KHDRBS2: variants seen among roughly 807,000 people sequenced by gnomAD.
KHDRBS2 encodes the protein KH RNA binding domain containing, signal transduction associated 2, also known as KH domain-containing, RNA-binding, signal transduction-associated protein 2.
In KHDRBS2, 26 loss-of-function variants were observed where a neutral mutation model predicts 44.3. The ratio of observed to expected loss-of-function variants is 0.59; its 90% CI spans 0.43 to 0.81. The LOEUF (loss-of-function observed/expected upper bound fraction) is 0.81. Ranked by LOEUF, KHDRBS2 falls within the 40% of genes least tolerant of loss-of-function variation. KHDRBS2 has a pLI of 0.00. For missense variants in KHDRBS2, 476 were observed against 433.1 expected (o/e 1.10, Z -0.88); for synonymous variants, 194 against 151.1 (o/e 1.28, Z -2.08).
intron 4 of KHDRBS2, among the ~76,000 whole-genome samples, chr6:61,977,660 T>TA (rs1372493046): frequency 2.0e-5 from 3 of 152,094 alleles, no homozygotes; most frequent in Non-Finnish European, 4.4e-5. Flanking sequence ...AATTATTACA[T>TA]ATCTGATCTC....
intron 7 of KHDRBS2, among the ~76,000 whole-genome samples, chr6:61,697,804 C>T (rs899412321): frequency 2.0e-5 from 3 of 152,104 alleles, no homozygotes; most frequent in African/African-American, 7.2e-5. Flanking sequence ...TCCTCCATTT[C>T]TTACTCAAAG....
At chr6:61,834,533 T>G (rs570171094) in intron 6 of KHDRBS2, among the ~76,000 whole-genome samples, 16 of 152,160 alleles carry the variant, frequency 1.1e-4, no homozygotes, top group South Asian at 4.1e-4. Flanking sequence ...TAATTCCTTT[T>G]GGTTTAAGGG....
chr6:61,635,877 T>G, the KHDRBS2 span, among the ~76,000 whole-genome samples: 21 of 152,160 alleles, frequency 1.4e-4, no homozygotes, highest in South Asian at 2.3e-3. Context: ...AGTTACAACT[T>G]TTCACTTTAT....
intron 8 of KHDRBS2, among the ~76,000 whole-genome samples, chr6:61,693,212 C>T (rs1767556963): frequency 6.6e-6 from 1 of 152,046 alleles, no homozygotes; most frequent in Non-Finnish European, 1.5e-5. Context: ...CAAATCACTG[C>T]TCATCATCTG....
At position 61,747,585 on chromosome 6, in the gene KHDRBS2, T is replaced by A. The variant is rs563655829; in HGVS notation, c.811-14821A>T. On this transcript the variant is annotated intron_variant, in intron 6 of 8. Transcript: ENST00000281156. ...TATGCATGACAAATGCATATCAAAA[T>A]GAAGTAATTAATTTTCTATAAGCCA... Among the ~76,000 whole-genome samples the A allele has an allele frequency of 5.9e-5, 9 of 151,610 alleles. No homozygotes were observed. The East Asian group carries it at 1.7e-3, about 29-fold the overall frequency.
intron 3 of KHDRBS2, among the ~76,000 whole-genome samples, chr6:62,021,066 C>T (rs185793972): frequency 4.4e-4 from 67 of 152,116 alleles, no homozygotes; most frequent in Non-Finnish European, 5.2e-4. Flanking sequence ...AGAATGAGAT[C>T]GTGTCCTTTT....
chr6:61,961,612 C>T (rs1472177317), intron 4 of KHDRBS2, among the ~76,000 whole-genome samples: 1 of 151,940 alleles, frequency 6.6e-6, no homozygotes, highest in East Asian at 1.9e-4. Context: ...GGCTGAAGTG[C>T]TGAAATGGAG....
At chr6:61,930,567 A>AAAAAAAAT (rs1809851862) in intron 4 of KHDRBS2, among the ~76,000 whole-genome samples, 1 of 130,274 alleles carries the variant, frequency 7.7e-6, no homozygotes, top group East Asian at 2.3e-4. Flanking sequence ...AAAAAAAAAA[A>AAAAAAAAT]GGCTAGTCTA....
intron 6 of KHDRBS2, among the ~76,000 whole-genome samples, chr6:61,798,487 A>G (rs1297718567): frequency 2.0e-5 from 3 of 152,132 alleles, no homozygotes; most frequent in Admixed American, 6.6e-5. Context: ...AAAGAATACT[A>G]TGGTTAGTTG....
intron 6 of KHDRBS2, among the ~76,000 whole-genome samples, chr6:61,855,743 C>A (rs1370958497): frequency 1.3e-5 from 2 of 151,950 alleles, no homozygotes; most frequent in African/African-American, 4.8e-5. Context: ...TGGGGAACAG[C>A]AGTCTATAGA....
chr6:61,910,477 A>G (rs1805858477), intron 4 of KHDRBS2, among the ~76,000 whole-genome samples: 1 of 152,226 alleles, frequency 6.6e-6, no homozygotes, highest in Non-Finnish European at 1.5e-5. Context: ...GAGTGACTGT[A>G]AATGTCTGTA....
At chr6:61,790,939 T>C (rs1784545545) in intron 6 of KHDRBS2, among the ~76,000 whole-genome samples, 1 of 151,554 alleles carries the variant, frequency 6.6e-6, no homozygotes, top group South Asian at 2.1e-4. Flanking sequence ...GCAACATCTC[T>C]TTAACAGCTA....
chr6:61,836,657 C>T (rs7759566), intron 6 of KHDRBS2, among the ~76,000 whole-genome samples: 2,294 of 152,044 alleles, frequency 0.015, 61 homozygotes, highest in African/African-American at 0.053. Context: ...AAATGGATGT[C>T]TATGATCTCT....
intron 2 of KHDRBS2, among the ~76,000 whole-genome samples, chr6:62,061,680 T>A (rs894049043): frequency 1.3e-5 from 2 of 151,312 alleles, no homozygotes; most frequent in African/African-American, 4.9e-5. Flanking sequence ...AGGAGTATCT[T>A]TGTGGCCTTC....
the KHDRBS2 span, among the ~76,000 whole-genome samples, chr6:61,607,994 T>C: frequency 6.6e-6 from 1 of 152,146 alleles, no homozygotes; most frequent in South Asian, 2.1e-4. Flanking sequence ...GGCCTAGAAA[T>C]TTCTTTAATG....
intron 2 of KHDRBS2, among the ~76,000 whole-genome samples, chr6:62,052,715 C>T (rs1377570123): frequency 1.3e-5 from 2 of 152,094 alleles, no homozygotes; most frequent in African/African-American, 2.4e-5. Context: ...GAATGCAAAA[C>T]CCAGATCGCT....
At chr6:61,868,157 G>C (rs1018889500) in intron 6 of KHDRBS2, among the ~76,000 whole-genome samples, 2 of 151,978 alleles carry the variant, frequency 1.3e-5, no homozygotes, top group Admixed American at 6.5e-5. Context: ...GGGTGGCTGG[G>C]AGGACCCACC....
At chr6:61,810,402 T>C (rs1457283533) in intron 6 of KHDRBS2, among the ~76,000 whole-genome samples, 1 of 152,124 alleles carries the variant, frequency 6.6e-6, no homozygotes, top group Admixed American at 6.6e-5. Flanking sequence ...TGTATGTATA[T>C]AAGCCTTGGG....
At chr6:62,257,751 C>G (rs1228195574) in intron 1 of KHDRBS2, among the ~76,000 whole-genome samples, 1 of 151,956 alleles carries the variant, frequency 6.6e-6, no homozygotes, top group Non-Finnish European at 1.5e-5. Context: ...GAGTTTTAAA[C>G]CTATCACTCA....
Sources: allele counts gnomAD v4.1 joint callset (sites outside exome capture counted in the v4.1 genomes callset), GRCh38; gene constraint gnomAD v4.1.1; transcripts MANE v1.5; gene names NCBI Gene and HGNC (gene_info 2026-07-23, HGNC 2026-07-21).